Variants in CDH18 observed in about 807,000 individuals in gnomAD.
CDH18 encodes cadherin-18.
In CDH18, 31 loss-of-function variants were observed where a neutral mutation model predicts 67.9. The ratio of observed to expected loss-of-function variants is 0.46; its 90% CI spans 0.34 to 0.62. CDH18 has a LOEUF of 0.62. Ranked by LOEUF, CDH18 falls within the 20% of genes least tolerant of loss-of-function variation. The pLI is 0.01. For synonymous variants in CDH18, 362 were observed against 347.2 expected (o/e 1.04, Z -0.48); for missense variants, 890 against 975.5 (o/e 0.91, Z 1.17).
intron 1 of CDH18, among the ~76,000 whole-genome samples, chr5:20,328,139 T>G (rs528504112): frequency 6.6e-6 from 1 of 152,140 alleles, no homozygotes; most frequent in East Asian, 1.9e-4. Flanking sequence ...AGGGGCTTTG[T>G]GGGACTTAGG....
chr5:19,931,937 C>T (rs926523887), intron 2 of CDH18, among the ~76,000 whole-genome samples: 3 of 151,766 alleles, frequency 2.0e-5, no homozygotes, highest in South Asian at 2.1e-4. Context: ...CCATTGTTCC[C>T]TCTATCCTAT....
chr5:20,181,808 T>G (rs1737707346), intron 2 of CDH18, among the ~76,000 whole-genome samples: 1 of 152,268 alleles, frequency 6.6e-6, no homozygotes, highest in East Asian at 1.9e-4. Flanking sequence ...GCAGTGTCAA[T>G]GCCTAATCAT....
rs140656868 is a variant in CDH18 at position 19,985,105 on chromosome 5, T to C, written c.-376+2981A>G. Among the ~76,000 whole-genome samples, 56 of 152,230 alleles carry C rather than the reference T, an allele frequency of 3.7e-4. 1 individual carries two copies. The East Asian group carries it at 0.01, about 28-fold the overall frequency. On this transcript the variant is annotated intron_variant, in intron 1 of 12. Coordinates refer to ENST00000382275, the MANE Select transcript of CDH18 (RefSeq NM_004934.5). Reference sequence around the variant, plus strand: ...GTCTTCAACCTCAACATTTATACTATCTCTCAGTTTTCATTTCCTTTTGTC... The same window carrying C: ...GTCTTCAACCTCAACATTTATACTACCTCTCAGTTTTCATTTCCTTTTGTC...
intron 2 of CDH18, among the ~76,000 whole-genome samples, chr5:20,066,300 T>C (rs1742971740): frequency 6.6e-6 from 1 of 152,222 alleles, no homozygotes; most frequent in South Asian, 2.1e-4. Flanking sequence ...TCTGATGCAG[T>C]GTCATTTGAG....
At chr5:20,197,522 G>A (rs967713210) in intron 2 of CDH18, among the ~76,000 whole-genome samples, 6 of 152,074 alleles carry the variant, frequency 3.9e-5, no homozygotes, top group African/African-American at 7.2e-5. Context: ...TGACAATTAC[G>A]ACTCAAGAAG....
At chr5:20,299,403 TACACAC>T (rs56003449) in intron 1 of CDH18, among the ~76,000 whole-genome samples, 13,866 of 138,622 alleles carry the variant, frequency 0.1, 778 homozygotes, top group Non-Finnish European at 0.12. Context: ...CAACATTAGC[TACACAC>T]ACACACACAC....
intron 2 of CDH18, among the ~76,000 whole-genome samples, chr5:20,005,418 A>G (rs1436544447): frequency 1.7e-4 from 5 of 30,172 alleles, no homozygotes; most frequent in African/African-American, 1.3e-3. Flanking sequence ...ATATATGTAC[A>G]CACACACACA....
At chr5:20,569,146 G>C (rs567442884) in intron 1 of CDH18, among the ~76,000 whole-genome samples, 50 of 152,136 alleles carry the variant, frequency 3.3e-4, no homozygotes, top group African/African-American at 1.2e-3. Context: ...GCTACGAGTC[G>C]TGTACATACC....
intron 2 of CDH18, among the ~76,000 whole-genome samples, chr5:20,000,340 T>C (rs1736347197): frequency 6.6e-6 from 1 of 152,220 alleles, no homozygotes; most frequent in Non-Finnish European, 1.5e-5. Flanking sequence ...AATGAATGCC[T>C]TTAACTTAGT....
chr5:20,014,542 A>G (rs1277405416), intron 2 of CDH18, among the ~76,000 whole-genome samples: 1 of 152,162 alleles, frequency 6.6e-6, no homozygotes, highest in Non-Finnish European at 1.5e-5. Flanking sequence ...GCTGTATAAT[A>G]AGAAAGCAAA....
At chr5:20,460,878 C>A (rs888528561) in intron 1 of CDH18, among the ~76,000 whole-genome samples, 23 of 152,230 alleles carry the variant, frequency 1.5e-4, no homozygotes, top group African/African-American at 5.5e-4. Context: ...GTATAACTTT[C>A]TTTTTGTCGC....
At chr5:19,617,743 G>C (rs1035534169) in intron 5 of CDH18, among the ~76,000 whole-genome samples, 1 of 152,130 alleles carries the variant, frequency 6.6e-6, no homozygotes, top group African/African-American at 2.4e-5. Flanking sequence ...GTAAACAATT[G>C]TAGGTGCCCG....
chr5:19,647,526 T>C (rs1228020338), intron 5 of CDH18, among the ~76,000 whole-genome samples: 1 of 8,864 alleles, frequency 1.1e-4, no homozygotes, highest in African/African-American at 4.1e-4. Flanking sequence ...CGAGACTCCA[T>C]CAAAAAAAAA....
chr5:19,838,048 C>T (rs917059937), intron 3 of CDH18, among the ~76,000 whole-genome samples: 3 of 152,068 alleles, frequency 2.0e-5, no homozygotes, highest in Non-Finnish European at 2.9e-5. Flanking sequence ...ATTAAGTTTT[C>T]GTGTCTGCAT....
intron 2 of CDH18, among the ~76,000 whole-genome samples, chr5:19,993,654 A>T (rs1169795539): frequency 6.6e-6 from 1 of 152,044 alleles, no homozygotes; most frequent in African/African-American, 2.4e-5. Flanking sequence ...AGATAAATAG[A>T]TATTATACAT....
At chr5:20,032,602 C>G (rs1196418278) in intron 2 of CDH18, among the ~76,000 whole-genome samples, 1 of 151,912 alleles carries the variant, frequency 6.6e-6, no homozygotes, top group South Asian at 2.1e-4. Flanking sequence ...TAGTAGTAGA[C>G]ACTTCAATAA....
intron 1 of CDH18, among the ~76,000 whole-genome samples, chr5:20,508,870 G>T (rs1396336): frequency 0.47 from 71,554 of 151,140 alleles, 17,066 homozygotes; most frequent in East Asian, 0.56. Context: ...TTCTATCTCT[G>T]CCCAAATAAT....
At chr5:19,883,721 T>C (rs767824568) in intron 2 of CDH18, among the ~76,000 whole-genome samples, 7 of 152,146 alleles carry the variant, frequency 4.6e-5, no homozygotes, top group Non-Finnish European at 7.4e-5. Context: ...TTTGACGTTC[T>C]GTTTTTAAGG....
At chr5:19,907,926 A>C (rs1450890877) in intron 2 of CDH18, among the ~76,000 whole-genome samples, 1 of 152,086 alleles carries the variant, frequency 6.6e-6, no homozygotes, top group Non-Finnish European at 1.5e-5. Context: ...AACATCTTAC[A>C]TTTAGCAACC....
Sources: gnomAD v4.1 joint callset for allele counts (sites outside exome capture counted in the v4.1 genomes callset) on GRCh38, gnomAD v4.1.1 for gene constraint, MANE v1.5 for transcripts, NCBI Gene and HGNC (gene_info 2026-07-23, HGNC 2026-07-21) for gene names.